The following SERPINB8 variants were observed in gnomAD, a reference collection of about 807,000 sequenced individuals.
The protein encoded by SERPINB8 is serpin family B member 8, also known as serpin B8.
In SERPINB8, 25 loss-of-function variants were observed where a neutral mutation model predicts 35.3. The observed-to-expected ratio is 0.71, with a 90% CI of 0.52 to 0.99. The LOEUF (loss-of-function observed/expected upper bound fraction) is 0.99. Among genes scored for constraint, SERPINB8 ranks in the 50% least tolerant of loss-of-function variants. SERPINB8 has a pLI of 0.00. For synonymous variants in SERPINB8, 186 were observed against 160.8 expected (o/e 1.16, Z -1.19); for missense variants, 484 against 446.5 (o/e 1.08, Z -0.76).
intron 1 of SERPINB8, among the ~76,000 whole-genome samples, chr18:63,995,943 G>A (rs1869789351): frequency 6.6e-6 from 1 of 152,170 alleles, no homozygotes; most frequent in Non-Finnish European, 1.5e-5. Flanking sequence ...GGGGAAACAG[G>A]AATTAGGGAG....
chr18:63,987,158 C>T lies in SERPINB8; in HGVS notation c.1005C>T (p.Val335=). Residue 335 remains valine (V), a synonymous_variant, in exon 7 of 7, where the codon GTC becomes GTT. Coordinates refer to ENST00000397985, the MANE Select transcript of SERPINB8 (RefSeq NM_002640.4). ...GTEAAAATAV[V]RNSRCSRMEP... ...AGGCTGCCGCAGCCACTGCTGTGGT[C>T]AGGAATTCCCGGTGCAGCAGAATGG... is the stretch of plus-strand genomic sequence containing the variant. 6.2e-7 allele frequency: 1 copy of T among 1,614,174 alleles called. No homozygotes were observed. Among genetic ancestry groups the T allele is most frequent in the Non-Finnish European group, 8.5e-7 (1 of 1,180,040 alleles).
chr18:64,000,053 G>A (rs767948833), intron 1 of SERPINB8, among the ~76,000 whole-genome samples: 1 of 152,210 alleles, frequency 6.6e-6, no homozygotes, highest in Non-Finnish European at 1.5e-5. Context: ...CATAGCCCTG[G>A]ACTTCCAGCT....
At position 63,987,285 on chromosome 18, in the gene SERPINB8, G is replaced by A. The variant is rs2050776194; in HGVS notation, c.*7G>A. 2.5e-6 allele frequency: 4 copies of A among 1,605,608 alleles called. No individual in the cohort carries two copies. Among genetic ancestry groups the A allele is most frequent in the Non-Finnish European group, 3.4e-6 (4 of 1,175,032 alleles). On this transcript the variant is annotated 3_prime_UTR_variant, in exon 7 of 7. Transcript: ENST00000397985. ...CAGGTTCTCTTCTCCGTAAAGAGGA[G>A]CAATTGCTGTACATACCCTCCTTTC...
intron 1 of SERPINB8, among the ~76,000 whole-genome samples, chr18:64,002,222 T>C (rs970436083): frequency 1.3e-5 from 2 of 152,144 alleles, no homozygotes; most frequent in Non-Finnish European, 2.9e-5. Flanking sequence ...GCACCGTGGC[T>C]CCAGCGCCAG....
chr18:63,999,415 C>T (rs1381200894), intron 1 of SERPINB8, among the ~76,000 whole-genome samples: 1 of 152,152 alleles, frequency 6.6e-6, no homozygotes, highest in Non-Finnish European at 1.5e-5. Context: ...GAAATGACTT[C>T]CTAGTTGTCA....
intron 5 of SERPINB8, 60 bp downstream of exon 5, chr18:63,983,781 T>C: frequency 8.5e-7 from 1 of 1,172,110 alleles, no homozygotes; most frequent in Non-Finnish European, 1.3e-6. Context: ...CAGGAAATAT[T>C]CTCTTGGAAA....
chr18:63,986,248 T>G (rs1237796732), intron 6 of SERPINB8: 1 of 1,609,622 alleles, frequency 6.2e-7, no homozygotes, highest in Non-Finnish European at 8.5e-7. Context: ...TCTACCTTAT[T>G]GATAAATAGA....
At chr18:64,009,504 C>T (rs2050915968), downstream of SERPINB8, among the ~76,000 whole-genome samples, 1 of 152,174 alleles carries the variant, frequency 6.6e-6, no homozygotes, top group Non-Finnish European at 1.5e-5. Context: ...AGATCAATGG[C>T]ACAGAATAGA....
intron 1 of SERPINB8, among the ~76,000 whole-genome samples, chr18:64,001,410 G>T (rs1346529824): frequency 6.6e-6 from 1 of 152,088 alleles, no homozygotes; most frequent in Non-Finnish European, 1.5e-5. Context: ...GGGACCTAAG[G>T]CACTACTGTA....
intron 2 of SERPINB8, among the ~76,000 whole-genome samples, chr18:63,978,911 G>C (rs922656380): frequency 1.3e-5 from 2 of 152,202 alleles, no homozygotes; most frequent in Non-Finnish European, 2.9e-5. Flanking sequence ...CCTAGAAGAG[G>C]AATGTAACAC....
Position 63,979,921 on chromosome 18 carries a change from A to G in SERPINB8, c.289A>G (p.Thr97Ala). 1 of 1,614,136 alleles carries G rather than the reference A, an allele frequency of 6.2e-7. No homozygotes were observed. The highest frequency in any genetic ancestry group is 8.5e-7 in the Non-Finnish European group (1 of 1,180,002). ...TGCCAACAGACTCTTTGGAGAAAAG[A>G]CGTGTGATTTCCTTCCAGTAAGTAG... ...RTANRLFGEK[T>A]CDFLPDFKEY... The change falls in exon 3 of 7, where the codon ACG becomes GCG. Residue 97 changes from threonine (T) to alanine (A), a missense_variant. By Grantham distance (58) the Thr-to-Ala change is moderately conservative. Coordinates refer to ENST00000397985, the MANE Select transcript of SERPINB8 (RefSeq NM_002640.4).
At chr18:63,986,260 A>G (rs1291609070) in intron 6 of SERPINB8, 3 of 1,610,536 alleles carry the variant, frequency 1.9e-6, no homozygotes, top group African/African-American at 1.3e-5. Context: ...ATAAATAGAA[A>G]GAGTGATGGA....
chr18:64,017,363 C>T (rs894438056), intron 7 of SERPINB8, among the ~76,000 whole-genome samples: 1 of 152,062 alleles, frequency 6.6e-6, no homozygotes, highest in Non-Finnish European at 1.5e-5. Context: ...CTAAAACAAG[C>T]GTTTCCTATG....
chr18:63,985,026 T>A (rs2050729129), intron 5 of SERPINB8, 67 bp from the exon 6 acceptor site: 8 of 1,518,852 alleles, frequency 5.3e-6, no homozygotes, highest in Non-Finnish European at 5.4e-6. Flanking sequence ...TTCTGTGAGT[T>A]AGATATATCC....
downstream of SERPINB8, among the ~76,000 whole-genome samples, chr18:63,993,062 T>C (rs1306223115): frequency 6.6e-6 from 1 of 152,220 alleles, no homozygotes; most frequent in Non-Finnish European, 1.5e-5. Context: ...TTTGATCATA[T>C]AGCCTCCAGT....
chr18:64,013,795 C>T (rs181185221), intron 7 of SERPINB8, among the ~76,000 whole-genome samples: 1 of 152,070 alleles, frequency 6.6e-6, no homozygotes, highest in African/African-American at 2.4e-5. Flanking sequence ...GAAGGAAGAG[C>T]ATGTGCAAAA....
At chr18:63,974,158 A>G (rs903361813) in intron 1 of SERPINB8, among the ~76,000 whole-genome samples, 1 of 151,024 alleles carries the variant, frequency 6.6e-6, no homozygotes, top group Non-Finnish European at 1.5e-5. Flanking sequence ...TTATTTATTT[A>G]CTTGTTTTTT....
At chr18:64,016,933 T>A (rs1414336638) in intron 7 of SERPINB8, among the ~76,000 whole-genome samples, 1 of 152,118 alleles carries the variant, frequency 6.6e-6, no homozygotes, top group Non-Finnish European at 1.5e-5. Context: ...GATCTTCTTC[T>A]GCCAAGGTAT....
At chr18:64,019,451 G>T (rs191837053) in exon 8 of SERPINB8, 5 of 152,074 alleles carry the variant, frequency 3.3e-5, no homozygotes, top group Non-Finnish European at 7.3e-5. Flanking sequence ...ACTTCTCCTC[G>T]ACTCCATCCT....
Sources: gnomAD v4.1 joint callset for allele counts (sites outside exome capture counted in the v4.1 genomes callset) on GRCh38, gnomAD v4.1.1 for gene constraint, MANE v1.5 for transcripts, NCBI Gene and HGNC (gene_info 2026-07-23, HGNC 2026-07-21) for gene names.